The following LDAF1 variants were observed in gnomAD, a reference collection of about 807,000 sequenced individuals.
LDAF1 encodes PROMETHIN.
A neutral mutation model predicts 13.5 loss-of-function variants in LDAF1; 7 were observed. The ratio of observed to expected loss-of-function variants is 0.52; its 90% CI spans 0.29 to 0.97. The LOEUF (loss-of-function observed/expected upper bound fraction) is 0.97. LDAF1 is among the 50% of genes least tolerant of loss of function. LDAF1 has a pLI of 0.07. For synonymous variants in LDAF1, 69 were observed against 77.1 expected (o/e 0.89, Z 0.55); for missense variants, 148 against 193.2 (o/e 0.77, Z 1.39).
chr16:21,176,769 G>A (rs1260622528), intron 4 of LDAF1, among the ~76,000 whole-genome samples: 1 of 151,866 alleles, frequency 6.6e-6, no homozygotes, highest in Non-Finnish European at 1.5e-5. Context: ...ATTAGCTGGT[G>A]CATGCTTGTG....
At chr16:21,170,680 A>AT in intron 3 of LDAF1, 75 bp downstream of exon 3, 4 of 1,585,824 alleles carry the variant, frequency 2.5e-6, no homozygotes, top group East Asian at 2.2e-5. Flanking sequence ...CCATTTAAAA[A>AT]TTTTTTTAAG....
chr16:21,163,559 C>T lies in LDAF1; in HGVS notation c.96+2281C>T, dbSNP rs181134327. Among the ~76,000 whole-genome samples, 184 of 152,236 alleles carry T rather than the reference C, an allele frequency of 1.2e-3. 2 individuals carry two copies. The highest frequency in any genetic ancestry group is 0.011 in the South Asian group (51 of 4,822). On this transcript the variant is annotated intron_variant, in intron 2 of 4. Coordinates refer to ENST00000233047, the MANE Select transcript of LDAF1 (RefSeq NM_001301771.2). ...TCTTGGGAGGCTGAGGCACGAGAAT[C>T]GCTTGAACCCAGGAGGTGAAGGTTG... is the stretch of plus-strand genomic sequence containing the variant.
intron 4 of LDAF1, among the ~76,000 whole-genome samples, chr16:21,175,221 A>G (rs185623474): frequency 5.6e-4 from 86 of 152,358 alleles, no homozygotes; most frequent in African/African-American, 1.9e-3. Context: ...TAAATTGATG[A>G]TAGTGCTACT....
At chr16:21,163,400 C>T (rs1206968303) in intron 2 of LDAF1, among the ~76,000 whole-genome samples, 1 of 152,164 alleles carries the variant, frequency 6.6e-6, no homozygotes, top group Non-Finnish European at 1.5e-5. Flanking sequence ...AATCCTAGTA[C>T]TTTGGGAGGC....
chr16:21,168,257 C>T lies in LDAF1; in HGVS notation c.97-2180C>T, dbSNP rs565987933. Among the ~76,000 whole-genome samples the T allele has an allele frequency of 2.0e-4, 31 of 151,504 alleles. No homozygotes were observed. In the South Asian group the frequency reaches 6.0e-3, roughly 29 times the overall value. ...CTTGAACTCCTGACCTCAGGTGACCCGCCTGCCTCCACCTCCCAAAGTGCT... is the reference window on the plus strand; with the variant it reads ...CTTGAACTCCTGACCTCAGGTGACCTGCCTGCCTCCACCTCCCAAAGTGCT... On this transcript the variant is annotated intron_variant, in intron 2 of 4. Coordinates refer to ENST00000233047, the MANE Select transcript of LDAF1 (RefSeq NM_001301771.2).
intron 4 of LDAF1, 68 bp downstream of exon 4, chr16:21,174,216 G>A (rs985795447): frequency 7.0e-6 from 10 of 1,430,474 alleles, no homozygotes; most frequent in Non-Finnish European, 9.4e-6. Context: ...TTGAGACAAG[G>A]CCTCACTCTG....
At chr16:21,177,687 T>C (rs1483243900) in intron 4 of LDAF1, among the ~76,000 whole-genome samples, 1 of 150,432 alleles carries the variant, frequency 6.6e-6, no homozygotes, top group Non-Finnish European at 1.5e-5. Flanking sequence ...GGCTTGATCT[T>C]GGTTCACACA....
rs2092968732 is a variant in LDAF1, at chr16:21,161,080, A to G, written c.-98-5A>G. 6.6e-7 allele frequency: 1 copy of G among 1,519,672 alleles called. No individual in the cohort carries two copies. The highest frequency in any genetic ancestry group is 1.3e-5 in the South Asian group (1 of 75,910). 94.1% of individuals were successfully genotyped at this position (1,519,672 alleles called of 1,614,324 possible). On this transcript the variant is annotated splice_region_variant and splice_polypyrimidine_tract_variant and intron_variant, in intron 1 of 4. Coordinates refer to ENST00000233047, the MANE Select transcript of LDAF1 (RefSeq NM_001301771.2). ...ACTAACGGCTTTTGTTTCCTCTGGTAACAGCAAGAGACAGAGCGACATGAG... is the reference window on the plus strand; with the variant it reads ...ACTAACGGCTTTTGTTTCCTCTGGTGACAGCAAGAGACAGAGCGACATGAG...
At chr16:21,160,975 C>T in intron 1 of LDAF1, 110 bp from the exon 2 acceptor site, 1 of 1,297,056 alleles carries the variant, frequency 7.7e-7, no homozygotes, top group Non-Finnish European at 9.9e-7. Context: ...TGAATATTGC[C>T]AGGTTACCCT....
chr16:21,161,143 A>G lies in LDAF1; in HGVS notation c.-40A>G. 6.2e-7 allele frequency: 1 copy of G among 1,609,146 alleles called. No homozygotes were observed. Among genetic ancestry groups the G allele is most frequent in the Non-Finnish European group, 8.5e-7 (1 of 1,178,356 alleles). Reference sequence around the variant, plus strand: ...GGGCTGCACTGGAGAATTTACTGGTAGGATAATTCATCCCTAAAGAGATTG... The same window carrying G: ...GGGCTGCACTGGAGAATTTACTGGTGGGATAATTCATCCCTAAAGAGATTG... On this transcript the variant is annotated 5_prime_UTR_variant, in exon 2 of 5. Coordinates refer to ENST00000233047, the MANE Select transcript of LDAF1 (RefSeq NM_001301771.2).
intron 2 of LDAF1, among the ~76,000 whole-genome samples, chr16:21,162,735 A>G (rs897211030): frequency 3.9e-5 from 6 of 152,250 alleles, no homozygotes; most frequent in Non-Finnish European, 7.3e-5. Flanking sequence ...TTGGACAAGC[A>G]GCTTTCTCGC....
intron 2 of LDAF1, 141 bp downstream of exon 2, chr16:21,161,419 A>G (rs2092973216): frequency 5.9e-6 from 6 of 1,019,084 alleles, no homozygotes; most frequent in Non-Finnish European, 8.4e-6. Context: ...TGCCATGTCT[A>G]TGCTGTGACC....
At chr16:21,175,750 T>A (rs763892338) in intron 4 of LDAF1, among the ~76,000 whole-genome samples, 7 of 152,162 alleles carry the variant, frequency 4.6e-5, no homozygotes, top group Non-Finnish European at 8.8e-5. Flanking sequence ...TACCAAAAGT[T>A]TATCCTGTTA....
At chr16:21,175,589 C>T (rs1044048654) in intron 4 of LDAF1, among the ~76,000 whole-genome samples, 1 of 152,208 alleles carries the variant, frequency 6.6e-6, no homozygotes, top group Admixed American at 6.5e-5. Context: ...ATGAAGGCAG[C>T]ACAGACCAGG....
chr16:21,162,864 A>G (rs961774619), intron 2 of LDAF1, among the ~76,000 whole-genome samples: 3 of 152,254 alleles, frequency 2.0e-5, no homozygotes, highest in African/African-American at 4.8e-5. Flanking sequence ...AAGTTACTGC[A>G]GACACTGAAT....
rs111669866 is a variant in LDAF1, at chr16:21,171,742, CT to C, written c.265+1149del. 8.6e-4 allele frequency among the ~76,000 whole-genome samples: 125 copies of C among 145,776 alleles called. 1 individual carries two copies. The highest frequency in any genetic ancestry group is 4.4e-3 in the South Asian group (20 of 4,568). ...TTCTTGAACCTGAGTGTATTTAAAT[CT>C]TTTTTTTTTTTCTAGATGGAATCTT... On this transcript the variant is annotated intron_variant, in intron 3 of 4. Coordinates refer to ENST00000233047, the MANE Select transcript of LDAF1 (RefSeq NM_001301771.2).
chr16:21,165,434 A>G (rs925534984), intron 2 of LDAF1: 1 of 231,914 alleles, frequency 4.3e-6, no homozygotes, highest in Non-Finnish European at 7.1e-6. Context: ...GCTAAGAAAA[A>G]GGTGGATTCC....
chr16:21,161,011 A>T (rs2092967755), intron 1 of LDAF1, 74 bp from the exon 2 acceptor site: 1 of 1,381,368 alleles, frequency 7.2e-7, no homozygotes, highest in African/African-American at 1.4e-5. Flanking sequence ...CCATCAAGGT[A>T]TGAGGATGGT....
intron 2 of LDAF1, chr16:21,166,909 A>T: frequency 6.5e-7 from 1 of 1,535,618 alleles, no homozygotes; most frequent in Non-Finnish European, 8.7e-7. Flanking sequence ...TGCTGGCTCC[A>T]AGGTGATTCC....
Sources: allele counts gnomAD v4.1 joint callset (sites outside exome capture counted in the v4.1 genomes callset), GRCh38; gene constraint gnomAD v4.1.1; transcripts MANE v1.5; gene names NCBI Gene and HGNC (gene_info 2026-07-23, HGNC 2026-07-21).